The following CSMD1 variants were observed in gnomAD, a reference collection of about 807,000 sequenced individuals.
CSMD1 encodes CUB and Sushi multiple domains 1.
Under a neutral mutation model 417.5 loss-of-function variants are expected in CSMD1, and 213 were observed. That is an observed-to-expected ratio of 0.51 (90% CI 0.46 to 0.57). The LOEUF (loss-of-function observed/expected upper bound fraction) is 0.57. Among genes scored for constraint, CSMD1 ranks in the 20% least tolerant of loss-of-function variants. The pLI is 0.00. For missense variants in CSMD1, 6,923 were observed against 4,529.7 expected (o/e 1.53, Z -15.17); for synonymous variants, 2,862 against 1,736.8 (o/e 1.65, Z -16.11).
intron 1 of CSMD1, among the ~76,000 whole-genome samples, chr8:4,768,679 T>C (rs945844383): frequency 9.9e-5 from 15 of 152,140 alleles, no homozygotes; most frequent in African/African-American, 3.4e-4. Flanking sequence ...GGGAAAGGTG[T>C]TGGCGTTCCC....
chr8:4,025,930 T>C (rs1264399941), intron 4 of CSMD1, among the ~76,000 whole-genome samples: 2 of 152,066 alleles, frequency 1.3e-5, no homozygotes, highest in Non-Finnish European at 2.9e-5. Context: ...ATATTGCTAG[T>C]TTGAATAAAT....
At chr8:3,257,610 C>T (rs1030054485) in intron 26 of CSMD1, among the ~76,000 whole-genome samples, 1 of 152,118 alleles carries the variant, frequency 6.6e-6, no homozygotes, top group Non-Finnish European at 1.5e-5. Flanking sequence ...GATGATGACA[C>T]ATATTTTAAG....
chr8:2,966,265 A>G (rs2128928867), intron 58 of CSMD1, among the ~76,000 whole-genome samples: 1 of 152,320 alleles, frequency 6.6e-6, no homozygotes, highest in Non-Finnish European at 1.5e-5. Context: ...CAGAGAACCA[A>G]AGACATTTCT....
intron 4 of CSMD1, among the ~76,000 whole-genome samples, chr8:4,029,647 T>C (rs1797238950): frequency 6.6e-6 from 1 of 152,034 alleles, no homozygotes; most frequent in Non-Finnish European, 1.5e-5. Flanking sequence ...ACCATATCAT[T>C]TCGCTCCTGG....
intron 1 of CSMD1, among the ~76,000 whole-genome samples, chr8:4,833,796 G>C (rs904865257): frequency 7.2e-5 from 11 of 152,216 alleles, no homozygotes; most frequent in African/African-American, 2.7e-4. Context: ...TGGAAGGATA[G>C]ATCAGCTGAC....
chr8:3,473,143 T>C (rs1817204007), intron 11 of CSMD1, among the ~76,000 whole-genome samples: 2 of 152,224 alleles, frequency 1.3e-5, no homozygotes, highest in African/African-American at 2.4e-5. Context: ...ACTTTAGACA[T>C]ACCTCTCAGT....
intron 2 of CSMD1, among the ~76,000 whole-genome samples, chr8:4,529,460 T>C (rs942281794): frequency 6.6e-6 from 1 of 152,208 alleles, no homozygotes; most frequent in African/African-American, 2.4e-5. Flanking sequence ...CTTATAAATA[T>C]GCAACTCATA....
intron 3 of CSMD1, among the ~76,000 whole-genome samples, chr8:4,283,792 A>G (rs1171893242): frequency 2.6e-5 from 4 of 152,214 alleles, no homozygotes; most frequent in Admixed American, 6.5e-5. Flanking sequence ...AGAATAAAAA[A>G]AAAAATCCGC....
chr8:4,282,680 G>C (rs1171838686), intron 3 of CSMD1, among the ~76,000 whole-genome samples: 1 of 152,176 alleles, frequency 6.6e-6, no homozygotes, highest in Non-Finnish European at 1.5e-5. Context: ...TAGGAACTGA[G>C]TTGGCTGTGA....
chr8:4,145,570 G>C lies in CSMD1; in HGVS notation c.416-113471C>G, dbSNP rs888182723. On this transcript the variant is annotated intron_variant, in intron 3 of 69. Coordinates refer to ENST00000635120, the MANE Select transcript of CSMD1 (RefSeq NM_033225.6). The stretch of plus-strand genomic sequence containing the variant: ...TATTATTACATTGTTATTATTTTTT[G>C]TGGAGAGACGGTCTCACCATGTTGC... Among the ~76,000 whole-genome samples the C allele has an allele frequency of 4.6e-5, 7 of 150,826 alleles. 1 individual carries two copies. Among genetic ancestry groups the C allele is most frequent in the African/African-American group, 1.7e-4 (7 of 40,244 alleles).
chr8:4,207,318 T>C (rs1185040838), intron 3 of CSMD1, among the ~76,000 whole-genome samples: 1 of 152,174 alleles, frequency 6.6e-6, no homozygotes, highest in East Asian at 1.9e-4. Context: ...TAACTTTTAG[T>C]GGCTAGGACT....
intron 4 of CSMD1, among the ~76,000 whole-genome samples, chr8:4,011,439 G>A (rs548978847): frequency 1.2e-4 from 19 of 152,096 alleles, no homozygotes; most frequent in South Asian, 8.3e-4. Flanking sequence ...ACTGCAACAC[G>A]TCTCAAAGAT....
intron 1 of CSMD1, among the ~76,000 whole-genome samples, chr8:4,917,592 C>T (rs997845388): frequency 1.3e-5 from 2 of 152,150 alleles, no homozygotes; most frequent in African/African-American, 2.4e-5. Context: ...CGAGATCATG[C>T]CACTGCACTC....
At chr8:4,860,070 C>G (rs949340375) in intron 1 of CSMD1, among the ~76,000 whole-genome samples, 1 of 151,948 alleles carries the variant, frequency 6.6e-6, no homozygotes, top group African/African-American at 2.4e-5. Flanking sequence ...CCATGGAATA[C>G]TATGCAGCCA....
chr8:3,956,551 C>G (rs1300163781), intron 5 of CSMD1, among the ~76,000 whole-genome samples: 4 of 152,164 alleles, frequency 2.6e-5, no homozygotes, highest in Non-Finnish European at 4.4e-5. Context: ...TACTTTTTAT[C>G]AAATACTTAA....
At chr8:3,577,309 C>T (rs980800919) in intron 9 of CSMD1, among the ~76,000 whole-genome samples, 1 of 152,188 alleles carries the variant, frequency 6.6e-6, no homozygotes, top group Non-Finnish European at 1.5e-5. Flanking sequence ...ACCACATTTT[C>T]AGGCCTATGA....
intron 1 of CSMD1, among the ~76,000 whole-genome samples, chr8:4,781,539 C>A (rs1189127172): frequency 7.9e-5 from 12 of 152,150 alleles, no homozygotes; most frequent in Admixed American, 7.9e-4. Context: ...AATCATAAGG[C>A]CAATAGGATA....
intron 23 of CSMD1, among the ~76,000 whole-genome samples, chr8:3,327,796 G>C (rs1003035045): frequency 3.3e-5 from 5 of 152,172 alleles, no homozygotes; most frequent in African/African-American, 7.2e-5. Context: ...TGTGAAATAA[G>C]TAAATGTTGT....
intron 2 of CSMD1, among the ~76,000 whole-genome samples, chr8:4,459,197 T>C (rs1302532109): frequency 6.6e-6 from 1 of 152,202 alleles, no homozygotes; most frequent in Non-Finnish European, 1.5e-5. Flanking sequence ...CAACAGGCCA[T>C]GTCGCTTTCA....
Sources: allele counts gnomAD v4.1 joint callset (sites outside exome capture counted in the v4.1 genomes callset), GRCh38; gene constraint gnomAD v4.1.1; transcripts MANE v1.5; gene names NCBI Gene and HGNC (gene_info 2026-07-23, HGNC 2026-07-21).